ADAMTS17: variants seen among roughly 807,000 people sequenced by gnomAD.
ADAMTS17 encodes A disintegrin and metalloproteinase with thrombospondin motifs 17.
Under a neutral mutation model 141.5 loss-of-function variants are expected in ADAMTS17, and 113 were observed. The ratio of observed to expected loss-of-function variants is 0.80; its 90% CI spans 0.69 to 0.93. The LOEUF is 0.93. ADAMTS17 is among the 40% of genes least tolerant of loss of function. ADAMTS17 has a pLI of 0.00. For missense variants in ADAMTS17, 1,659 were observed against 1,517.9 expected (o/e 1.09, Z -1.54); for synonymous variants, 768 against 630.6 (o/e 1.22, Z -3.27).
At chr15:100,147,232 C>G (rs1374932910) in intron 10 of ADAMTS17, among the ~76,000 whole-genome samples, 1 of 152,114 alleles carries the variant, frequency 6.6e-6, no homozygotes, top group African/African-American at 2.4e-5. Flanking sequence ...TGTACTCTGT[C>G]CCCTTATTTC....
rs1257272272 is a variant in ADAMTS17, at chr15:99,973,573, C to T, written c.*829G>A. On this transcript the variant is annotated 3_prime_UTR_variant, in exon 22 of 22. Transcript: ENST00000268070. ...CCCAGTGAAGCTGGCCCAAGCTTACCTTTGCCTTAGGAAGCAACCCCATCA... is the reference window on the plus strand; with the variant it reads ...CCCAGTGAAGCTGGCCCAAGCTTACTTTTGCCTTAGGAAGCAACCCCATCA... The T allele has an allele frequency of 6.6e-6, 1 of 152,424 alleles. No homozygotes were observed. Among genetic ancestry groups the T allele is most frequent in the Non-Finnish European group, 1.5e-5 (1 of 68,210 alleles). 9.4% of individuals were successfully genotyped at this position (152,424 alleles called of 1,614,324 possible). A position where few individuals can be genotyped will look rare whatever the true frequency, so the allele number is the denominator to read the frequency against.
At chr15:100,338,408 TAGG>T (rs2046269235) in intron 2 of ADAMTS17, among the ~76,000 whole-genome samples, 3 of 152,276 alleles carry the variant, frequency 2.0e-5, no homozygotes, top group South Asian at 4.1e-4. Context: ...CTGAGCCCTT[TAGG>T]AGATGTTCAA....
chr15:100,155,493 G>A (rs2039392236), intron 8 of ADAMTS17, among the ~76,000 whole-genome samples, 173 bp from the exon 9 acceptor site: 1 of 152,104 alleles, frequency 6.6e-6, no homozygotes, highest in Admixed American at 6.5e-5. Flanking sequence ...AGAAATAGAG[G>A]GTGAGGATTT....
At chr15:100,085,387 G>A (rs181746886) in intron 15 of ADAMTS17, among the ~76,000 whole-genome samples, 6 of 135,794 alleles carry the variant, frequency 4.4e-5, no homozygotes, top group South Asian at 4.3e-4. Context: ...TGAAAGTGAC[G>A]AGGAGAACGC....
intron 3 of ADAMTS17, among the ~76,000 whole-genome samples, chr15:100,288,078 G>A (rs1426421353): frequency 6.6e-6 from 1 of 152,202 alleles, no homozygotes; most frequent in Admixed American, 6.5e-5. Context: ...GTTGGATAAA[G>A]AAGCAAGAAA....
In ADAMTS17 at chr15:100,117,416, C is replaced by G. The variant is rs544471706; in HGVS notation, c.1722-403G>C. ...GAAATGAAGACCTTTAAATGCCCCC[C>G]CAGGTATACTCTGGAGGTTAAGTTT... On this transcript the variant is annotated intron_variant, in intron 12 of 21. Transcript: ENST00000268070. Among the ~76,000 whole-genome samples the G allele has an allele frequency of 1.1e-4, 16 of 152,142 alleles. No individual in the cohort carries two copies. In the East Asian group the frequency reaches 2.7e-3, roughly 26 times the overall value.
rs2038981727 is a variant in ADAMTS17, at chr15:100,147,834, AAAC to A, written c.1473+4775_1473+4777del. Among the ~76,000 whole-genome samples the A allele has an allele frequency of 2.6e-5, 4 of 152,384 alleles. No homozygotes were observed. In the South Asian group the frequency reaches 8.3e-4, roughly 32 times the overall value. On this transcript the variant is annotated intron_variant, in intron 10 of 21. Transcript: ENST00000268070. Reference sequence around the variant, plus strand: ...CTGCTACTACAAACTTAGTGGCTTAAAACAACACAATTCTCTTATAGTTCTGGA... The same window carrying A: ...CTGCTACTACAAACTTAGTGGCTTAAAACACAATTCTCTTATAGTTCTGGA...
chr15:100,198,768 C>G (rs990994755), intron 8 of ADAMTS17, among the ~76,000 whole-genome samples: 6 of 152,202 alleles, frequency 3.9e-5, no homozygotes, highest in Admixed American at 3.3e-4. Context: ...TCTGAACAAC[C>G]AGGAGGTTGC....
chr15:100,028,580 A>C (rs2029868621), intron 18 of ADAMTS17, among the ~76,000 whole-genome samples: 1 of 152,342 alleles, frequency 6.6e-6, no homozygotes, highest in African/African-American at 2.4e-5. Context: ...AACTGTCCTG[A>C]GCCATTTATT....
At chr15:100,280,484 A>G (rs1432795279) in intron 4 of ADAMTS17, among the ~76,000 whole-genome samples, 1 of 151,958 alleles carries the variant, frequency 6.6e-6, no homozygotes, top group Non-Finnish European at 1.5e-5. Flanking sequence ...TCTTCCTAAC[A>G]TCAACCTCGG....
At chr15:100,151,592 C>T (rs556840970) in intron 10 of ADAMTS17, among the ~76,000 whole-genome samples, 163 of 152,264 alleles carry the variant, frequency 1.1e-3, no homozygotes, top group Middle Eastern at 6.8e-3. Context: ...CTGGAATAGC[C>T]CTCCCTCAGG....
chr15:100,159,164 C>A (rs527253910), intron 8 of ADAMTS17, among the ~76,000 whole-genome samples: 2 of 152,206 alleles, frequency 1.3e-5, no homozygotes, highest in Non-Finnish European at 2.9e-5. Context: ...CAAGAGACAT[C>A]ACTCCCACGT....
chr15:100,341,975 T>A lies in ADAMTS17; in HGVS notation c.-76A>T. ...CGCTAGGCGGCGGCGCCAGCCGGAG[T>A]GAAGCCCTCCAGCCTTTGGAAAAAG... On this transcript the variant is annotated 5_prime_UTR_variant, in exon 1 of 22. Transcript: ENST00000268070. 1 of 1,509,498 alleles carries A rather than the reference T, an allele frequency of 6.6e-7. No homozygotes were observed. The highest frequency in any genetic ancestry group is 1.7e-4 in the Middle Eastern group (1 of 5,812). The allele number at this position is 1,509,498 out of a possible 1,614,324, so 93.5% of individuals were successfully genotyped here. A position where few individuals can be genotyped will look rare whatever the true frequency, so the allele number is the denominator to read the frequency against.
chr15:100,217,778 C>T (rs2042014740), intron 7 of ADAMTS17, among the ~76,000 whole-genome samples: 3 of 152,118 alleles, frequency 2.0e-5, no homozygotes, highest in Admixed American at 2.0e-4. Context: ...TGATATTTGC[C>T]AATCATCTAT....
chr15:100,104,901 G>C (rs2036323121), intron 14 of ADAMTS17, among the ~76,000 whole-genome samples: 1 of 152,140 alleles, frequency 6.6e-6, no homozygotes, highest in Admixed American at 6.5e-5. Context: ...TATTTGAATT[G>C]AATTTGTGAT....
chr15:100,096,337 C>T lies in ADAMTS17; in HGVS notation c.2137+19G>A, dbSNP rs1387563341. ...CACAAAACACTGTAGCCACAGCAGC[C>T]CCATGGGCCAACACTCACCTGTCCC... On this transcript the variant is annotated intron_variant, in intron 15 of 21. Coordinates refer to ENST00000268070, the MANE Select transcript of ADAMTS17 (RefSeq NM_139057.4). 1 of 1,612,722 alleles carries T rather than the reference C, an allele frequency of 6.2e-7. No individual in the cohort carries two copies. The highest frequency in any genetic ancestry group is 1.7e-5 in the Admixed American group (1 of 60,026).
intron 2 of ADAMTS17, among the ~76,000 whole-genome samples, chr15:100,337,193 TG>T (rs1159660185): frequency 1.8e-4 from 28 of 152,378 alleles, no homozygotes; most frequent in Admixed American, 1.6e-3. Flanking sequence ...TATTCTTATC[TG>T]GACTACACTT....
At chr15:100,107,592 T>C (rs1355664135) in intron 14 of ADAMTS17, among the ~76,000 whole-genome samples, 2 of 151,692 alleles carry the variant, frequency 1.3e-5, no homozygotes, top group Admixed American at 6.6e-5. Flanking sequence ...TGTTAGGAGG[T>C]GGATGTTTTG....
At chr15:100,276,726 G>A (rs928691451) in intron 4 of ADAMTS17, among the ~76,000 whole-genome samples, 3 of 152,082 alleles carry the variant, frequency 2.0e-5, no homozygotes, top group Non-Finnish European at 4.4e-5. Context: ...CTGGCATCAC[G>A]TTCTGCTCTA....
Sources: allele counts gnomAD v4.1 joint callset (sites outside exome capture counted in the v4.1 genomes callset), GRCh38; gene constraint gnomAD v4.1.1; transcripts MANE v1.5; gene names NCBI Gene and HGNC (gene_info 2026-07-23, HGNC 2026-07-21).